The following CFAP97 variants were observed in gnomAD, a reference collection of about 807,000 sequenced individuals.
CFAP97 encodes cilia and flagella associated protein 97.
CFAP97 carries 36 observed loss-of-function variants against 43.1 expected under a neutral mutation model. The observed-to-expected ratio is 0.84, with a 90% CI of 0.64 to 1.10. The LOEUF (loss-of-function observed/expected upper bound fraction) is 1.10. Ranked by LOEUF, CFAP97 falls within the 50% of genes least tolerant of loss-of-function variation. The probability of loss-of-function intolerance (pLI) is 0.00; values close to 1 mark genes in which losing one functional copy is unlikely to be tolerated. For synonymous variants in CFAP97, 228 were observed against 225.7 expected, an observed-to-expected ratio of 1.01 and a Z score of -0.09; for missense variants, 657 against 620.3, an observed-to-expected ratio of 1.06 and a Z score of -0.63.
chr4:185,177,043 T>C (rs1301942766), intron 2 of CFAP97, among the ~76,000 whole-genome samples: 1 of 152,206 alleles, frequency 6.6e-6, no homozygotes, highest in African/African-American at 2.4e-5. Flanking sequence ...ATAAGTGCAA[T>C]TACTACTAAA....
chr4:185,179,786 T>C (rs1466668919), intron 2 of CFAP97, among the ~76,000 whole-genome samples: 1 of 152,156 alleles, frequency 6.6e-6, no homozygotes, highest in Non-Finnish European at 1.5e-5. Context: ...TAAAAAAGCA[T>C]TGTGTGACAA....
At chr4:185,209,813 G>C, upstream of CFAP97, 2 of 983,830 alleles carry the variant, frequency 2.0e-6, no homozygotes, top group Non-Finnish European at 2.4e-6. This position sits in a 1 kb window ranked among gnomAD's most constrained non-coding sequence, Gnocchi z 5.2. Flanking sequence ...GTCCTTAGCG[G>C]CCCAGGAAGC....
chr4:185,202,274 T>C (rs1736876693), intron 1 of CFAP97, among the ~76,000 whole-genome samples: 1 of 152,148 alleles, frequency 6.6e-6, no homozygotes, highest in Admixed American at 6.5e-5. Context: ...TCATGTGCGG[T>C]GGCTCATGTT....
chr4:185,181,681 G>A (rs1735796079), intron 2 of CFAP97, among the ~76,000 whole-genome samples: 1 of 152,156 alleles, frequency 6.6e-6, no homozygotes, highest in Admixed American at 6.5e-5. Context: ...CATCAAGCTT[G>A]CTCTTTTAAG....
chr4:185,170,100 C>T lies in CFAP97; in HGVS notation c.1320+5686G>A, dbSNP rs979520003. 17 of 1,189,038 alleles carry T rather than the reference C, an allele frequency of 1.4e-5. No homozygotes were observed. In the African/African-American group the frequency reaches 1.4e-4, roughly 10 times the overall value. 73.7% of individuals were successfully genotyped at this position (1,189,038 alleles called of 1,614,324 possible). A position where few individuals can be genotyped will look rare whatever the true frequency, so the allele number is the denominator to read the frequency against. On this transcript the variant is annotated intron_variant, in intron 3 of 4. Coordinates refer to ENST00000458385, the MANE Select transcript of CFAP97 (RefSeq NM_020827.3). ...CAGTGGCTCACACCTGTAATCCTTGCTCTTTGGGAAGCTGAGGCAGATGGA... is the reference window on the plus strand; with the variant it reads ...CAGTGGCTCACACCTGTAATCCTTGTTCTTTGGGAAGCTGAGGCAGATGGA...
chr4:185,181,312 T>C (rs1428051281), intron 2 of CFAP97, among the ~76,000 whole-genome samples: 2 of 145,688 alleles, frequency 1.4e-5, no homozygotes, highest in Non-Finnish European at 3.0e-5. Context: ...AATCAAGGCA[T>C]AATCATACTT....
At chr4:185,163,355 G>A (rs775890095) in intron 4 of CFAP97, among the ~76,000 whole-genome samples, 21 of 152,100 alleles carry the variant, frequency 1.4e-4, no homozygotes, top group Non-Finnish European at 1.0e-4. Context: ...GAAGACTCAC[G>A]AGGGCGGGCG....
At chr4:185,181,289 T>C (rs1296580698) in intron 2 of CFAP97, among the ~76,000 whole-genome samples, 1 of 148,964 alleles carries the variant, frequency 6.7e-6, no homozygotes, top group Non-Finnish European at 1.5e-5. Flanking sequence ...AAAAATTAAT[T>C]AAATAAAAAG....
intron 2 of CFAP97, among the ~76,000 whole-genome samples, chr4:185,180,012 G>C (rs896970481): frequency 6.6e-6 from 1 of 151,912 alleles, no homozygotes; most frequent in Non-Finnish European, 1.5e-5. Context: ...ATCTCTTTTA[G>C]TGATGTTCAC....
At chr4:185,194,739 T>C (rs1442781825) in intron 1 of CFAP97, among the ~76,000 whole-genome samples, 1 of 152,120 alleles carries the variant, frequency 6.6e-6, no homozygotes, top group Non-Finnish European at 1.5e-5. Flanking sequence ...AAATACAGAA[T>C]ACAAAACTTT....
At chr4:185,203,857 C>A (rs1417935884) in intron 1 of CFAP97, 41 bp downstream of exon 1, 1 of 151,694 alleles carries the variant, frequency 6.6e-6, no homozygotes, top group Non-Finnish European at 1.5e-5. Context: ...TGGCGGGCGC[C>A]CCGCGAGCAG....
chr4:185,203,114 C>T (rs1181439054), intron 1 of CFAP97, among the ~76,000 whole-genome samples: 1 of 152,106 alleles, frequency 6.6e-6, no homozygotes, highest in African/African-American at 2.4e-5. Context: ...ACAGGAGGAT[C>T]GCTTGAGCCC....
At chr4:185,184,618 G>A (rs1365243233) in intron 2 of CFAP97, among the ~76,000 whole-genome samples, 1 of 152,138 alleles carries the variant, frequency 6.6e-6, no homozygotes, top group Non-Finnish European at 1.5e-5. Flanking sequence ...CTAGAAAGTA[G>A]GTCCCTGATG....
Position 185,162,754 on chromosome 4 carries a change from T to C in CFAP97, c.*44A>G, listed in dbSNP as rs368858532. 3.2e-5 allele frequency: 51 copies of C among 1,594,712 alleles called. No homozygotes were observed. The highest frequency in any genetic ancestry group is 4.5e-5 in the South Asian group (4 of 88,498). On this transcript the variant is annotated 3_prime_UTR_variant, in exon 5 of 5. Transcript: ENST00000458385. ...GAATTATAGGAATATGCACGAGCAC[T>C]TCAAGAAAAGTTGTGTGAACAATGT...
intron 1 of CFAP97, among the ~76,000 whole-genome samples, chr4:185,199,143 C>T (rs527809666): frequency 3.9e-5 from 6 of 152,058 alleles, no homozygotes; most frequent in East Asian, 1.9e-4. Flanking sequence ...GAGGCTGAGA[C>T]GGGCGGATCA....
At chr4:185,201,904 C>T (rs543892570) in intron 1 of CFAP97, among the ~76,000 whole-genome samples, 6 of 152,280 alleles carry the variant, frequency 3.9e-5, no homozygotes, top group African/African-American at 1.4e-4. Context: ...AACTTTCTGG[C>T]CTATCCACTT....
upstream of CFAP97, among the ~76,000 whole-genome samples, chr4:185,208,996 AAAAACAAAAC>A (rs781325338): frequency 1.3e-5 from 2 of 152,172 alleles, no homozygotes; most frequent in African/African-American, 2.4e-5. Flanking sequence ...GTAAAAAACA[AAAAACAAAAC>A]AAAACAAAAC....
upstream of CFAP97, among the ~76,000 whole-genome samples, chr4:185,206,441 T>C (rs1737188845): frequency 6.6e-6 from 1 of 151,658 alleles, no homozygotes; most frequent in African/African-American, 2.4e-5. Context: ...GAGGCCAAGG[T>C]GGACAGATCC....
chr4:185,190,014 TTAC>T, intron 2 of CFAP97, 126 bp downstream of exon 2: 1 of 642,484 alleles, frequency 1.6e-6, no homozygotes, highest in Non-Finnish European at 2.4e-6. Context: ...TTTGGTAAAG[TTAC>T]TAATAATATC....
Sources: allele counts gnomAD v4.1 joint callset (sites outside exome capture counted in the v4.1 genomes callset), GRCh38; gene constraint gnomAD v4.1.1; non-coding constraint Gnocchi (gnomAD v3.1); transcripts MANE v1.5; gene names NCBI Gene and HGNC (gene_info 2026-07-23, HGNC 2026-07-21).